The following MIAT variants were observed in gnomAD, a reference collection of about 807,000 sequenced individuals.
MIAT encodes the protein MI related novel mRNA.
intron 2 of MIAT, among the ~76,000 whole-genome samples, chr22:26,648,855 T>C (rs1393217224): frequency 6.6e-6 from 1 of 151,814 alleles, no homozygotes; most frequent in Non-Finnish European, 1.5e-5. Flanking sequence ...GAACTCTAGG[T>C]CTTGTGGGGA....
rs142122255 is a variant in MIAT, at chr22:26,649,866, T to G, written n.646+2555T>G. ...AGGCAGAGCTTGTAGTGAGCCGAGA[T>G]CATGCCACTGCATTCCAGCCTGGCA... On this transcript the variant is annotated intron_variant and non_coding_transcript_variant, in intron 2 of 5. Coordinates refer to ENST00000643270, the Ensembl canonical transcript of MIAT. Among the ~76,000 whole-genome samples, 75 of 152,244 alleles carry G rather than the reference T, an allele frequency of 4.9e-4. 1 individual carries two copies. The East Asian group carries it at 0.012, about 24-fold the overall frequency.
chr22:26,652,708 T>C (rs1602354387), intron 2 of MIAT, among the ~76,000 whole-genome samples: 2 of 152,178 alleles, frequency 1.3e-5, no homozygotes, highest in East Asian at 3.9e-4. Flanking sequence ...AGAATTGCAA[T>C]GGGAACCCTG....
At chr22:26,667,288 T>A in exon 5 of MIAT, 1 of 398,466 alleles carries the variant, frequency 2.5e-6, no homozygotes. Flanking sequence ...CAGAACACGC[T>A]TTATTACAGT....
chr22:26,659,128 T>G (rs1487513829), intron 2 of MIAT, among the ~76,000 whole-genome samples: 3 of 152,084 alleles, frequency 2.0e-5, no homozygotes, highest in Non-Finnish European at 2.9e-5. Flanking sequence ...GGGTATCTGA[T>G]GTTTACTCAG....
exon 5 of MIAT, chr22:26,674,817 C>T (rs1602377660): frequency 5.0e-6 from 2 of 398,686 alleles, no homozygotes; most frequent in Non-Finnish European, 8.8e-6. Flanking sequence ...CTTTGTTTAA[C>T]TGCAAAGACT....
At chr22:26,667,391 CATGCGTGCATGTGTGT>C in intron 5 of MIAT, 1 of 390,482 alleles carries the variant, frequency 2.6e-6, no homozygotes, top group Non-Finnish European at 4.5e-6. Flanking sequence ...TGTGTGTGTG[CATGCGTGCATGTGTGT>C]GCGCGTGTAT....
downstream of MIAT, chr22:26,672,519 T>G (rs9620624): frequency 0.011 from 4,527 of 399,364 alleles, 179 homozygotes; most frequent in African/African-American, 0.082. Flanking sequence ...GGGAAATCTC[T>G]GGGACGTGAG....
At chr22:26,667,516 C>G (rs2146015310) in intron 5 of MIAT, among the ~76,000 whole-genome samples, 1 of 152,200 alleles carries the variant, frequency 6.6e-6, no homozygotes, top group South Asian at 2.1e-4. Context: ...CATCAAAGGC[C>G]TCTGAAAGTC....
At position 26,676,012 on chromosome 22, in the gene MIAT, C is replaced by T. The variant is rs3827326; in HGVS notation, n.9680C>T. The T allele has an allele frequency of 1.9e-3, 773 of 398,688 alleles. 9 individuals carry two copies. The East Asian group carries it at 0.025, about 13-fold the overall frequency. 24.7% of individuals were successfully genotyped at this position (398,688 alleles called of 1,614,324 possible). A position where few individuals can be genotyped will look rare whatever the true frequency, so the allele number is the denominator to read the frequency against. On this transcript the variant is annotated non_coding_transcript_exon_variant, in exon 5 of 5. Coordinates refer to the MIAT transcript ENST00000613780. ...AGCAGGCACATTCTCTTCGACCCCTCCCTCATTCAGTCTGCTTTGGAGTCT... is the reference window on the plus strand; with the variant it reads ...AGCAGGCACATTCTCTTCGACCCCTTCCTCATTCAGTCTGCTTTGGAGTCT...
At chr22:26,668,992 A>G (rs986525363) in exon 6 of MIAT, 1 of 398,636 alleles carries the variant, frequency 2.5e-6, no homozygotes. Context: ...AAAGGGAACC[A>G]GTCTTACCCA....
At chr22:26,666,771 C>T in exon 4 of MIAT, 1 of 398,746 alleles carries the variant, frequency 2.5e-6, no homozygotes, top group Non-Finnish European at 4.4e-6. Flanking sequence ...CTTCTTTCTT[C>T]AGCAGGGAGT....
chr22:26,671,588 G>C (rs2146019626), downstream of MIAT: 1 of 398,856 alleles, frequency 2.5e-6, no homozygotes, highest in East Asian at 3.6e-5. Flanking sequence ...TGGGATATGG[G>C]GGCAGCCAAG....
intron 5 of MIAT, chr22:26,667,552 C>A: frequency 2.9e-6 from 1 of 342,798 alleles, no homozygotes; most frequent in Non-Finnish European, 5.2e-6. Flanking sequence ...AACCCTTGCC[C>A]TGTCTCTGCC....
downstream of MIAT, chr22:26,671,757 G>T (rs975725757): frequency 2.5e-5 from 10 of 398,350 alleles, no homozygotes; most frequent in African/African-American, 1.6e-4. Flanking sequence ...GTGGTAGAAT[G>T]CGAGTTCTGA....
At chr22:26,665,189 C>T (rs992924036) in intron 3 of MIAT, among the ~76,000 whole-genome samples, 19 of 151,358 alleles carry the variant, frequency 1.3e-4, no homozygotes, top group African/African-American at 4.1e-4. Context: ...TGCAGTGAGC[C>T]GAGATCATGC....
exon 2 of MIAT, chr22:26,647,235 T>C (rs1602351823): frequency 2.5e-6 from 1 of 398,396 alleles, no homozygotes; most frequent in African/African-American, 2.1e-5. Flanking sequence ...GTCATTCTTC[T>C]GGCAAACATA....
chr22:26,671,156 G>T (rs1340404094), downstream of MIAT: 1 of 398,536 alleles, frequency 2.5e-6, no homozygotes, highest in Non-Finnish European at 4.4e-6. Flanking sequence ...CAGGCAGGGG[G>T]TTTCTGTCTA....
chr22:26,646,520 G>T lies in MIAT; in HGVS notation n.69G>T, dbSNP rs1177336377. 2.5e-5 allele frequency: 10 copies of T among 399,004 alleles called. No homozygotes were observed. The East Asian group carries it at 3.2e-4, about 13-fold the overall frequency. 24.7% of individuals were successfully genotyped at this position (399,004 alleles called of 1,614,324 possible). On this transcript the variant is annotated non_coding_transcript_exon_variant, in exon 1 of 6. Coordinates refer to ENST00000643270, the Ensembl canonical transcript of MIAT. ...GATGATGGGAGCCTCAGAAGGTGTC[G>T]TGGGACAGGGTCAGGGAGAGGGCTC...
At chr22:26,661,410 AAGCTACC>A (rs1025187797) in intron 2 of MIAT, among the ~76,000 whole-genome samples, 24 of 152,250 alleles carry the variant, frequency 1.6e-4, no homozygotes, top group African/African-American at 5.8e-4. Context: ...GCCCCTCTGG[AAGCTACC>A]AGATGAGTCA....
Sources: allele counts gnomAD v4.1 joint callset (sites outside exome capture counted in the v4.1 genomes callset), GRCh38; gene constraint gnomAD v4.1.1; transcripts MANE v1.5; gene names NCBI Gene and HGNC (gene_info 2026-07-23, HGNC 2026-07-21).